Variants in BCL7C observed in about 807,000 individuals in gnomAD.
BCL7C encodes the protein B-cell CLL/lymphoma 7 protein family member C.
In BCL7C, 8 loss-of-function variants were observed where a neutral mutation model predicts 26.2. That is an observed-to-expected ratio of 0.30 (90% CI 0.18 to 0.55). BCL7C has a LOEUF of 0.55. BCL7C is among the 20% of genes least tolerant of loss of function. The pLI, the probability that BCL7C is intolerant of heterozygous loss-of-function variation, is 0.93. For synonymous variants in BCL7C, 90 were observed against 116.5 expected (o/e 0.77, Z 1.47); for missense variants, 262 against 298.5 (o/e 0.88, Z 0.90).
In BCL7C at chr16:30,839,269, T is replaced by C. The variant is rs567208247; in HGVS notation, c.529-4121A>G. 1.6e-4 allele frequency among the ~76,000 whole-genome samples: 25 copies of C among 152,318 alleles called. No individual in the cohort carries two copies. In the South Asian group the frequency reaches 4.6e-3, roughly 28 times the overall value. On this transcript the variant is annotated intron_variant, in intron 5 of 5. Coordinates refer to the BCL7C transcript ENST00000380317. ...ACAGAATGTGTACCACACTTGTCTA[T>C]TGGGCTAGATTAGGACCTAACAAAC...
At chr16:30,838,842 A>C (rs1281019415) in intron 5 of BCL7C, among the ~76,000 whole-genome samples, 1 of 152,072 alleles carries the variant, frequency 6.6e-6, no homozygotes, top group African/African-American at 2.4e-5. Flanking sequence ...CAGTGGCAAA[A>C]TTTTTTTTCT....
rs562688759 is a variant in BCL7C, at chr16:30,871,822, A to T, written c.528+17038T>A. On this transcript the variant is annotated intron_variant, in intron 5 of 5. Transcript: ENST00000380317. Reference sequence around the variant, plus strand: ...TATAGGGTCCAGAATTACTCAGATAATTGCTTGGATTTAGGGTTGAGATTC... The same window carrying T: ...TATAGGGTCCAGAATTACTCAGATATTTGCTTGGATTTAGGGTTGAGATTC... 3.2e-4 allele frequency among the ~76,000 whole-genome samples: 48 copies of T among 152,156 alleles called. 2 individuals are homozygous for T. The South Asian group carries it at 9.6e-3, about 30-fold the overall frequency.
intron 5 of BCL7C, among the ~76,000 whole-genome samples, chr16:30,853,379 G>T (rs1213857071): frequency 6.6e-6 from 1 of 151,640 alleles, no homozygotes; most frequent in African/African-American, 2.4e-5. Context: ...CTTCCACATC[G>T]TGCCCCACTG....
At chr16:30,868,772 C>T (rs932575584) in intron 5 of BCL7C, among the ~76,000 whole-genome samples, 1 of 150,730 alleles carries the variant, frequency 6.6e-6, no homozygotes, top group Non-Finnish European at 1.5e-5. Context: ...GCAACAAGAG[C>T]GAAACTCCAT....
At position 30,863,893 on chromosome 16, in the gene BCL7C, G is replaced by A. The variant is rs1466562008; in HGVS notation, c.528+24967C>T. Among the ~76,000 whole-genome samples the A allele has an allele frequency of 4.6e-5, 7 of 152,208 alleles. No homozygotes were observed. In the East Asian group the frequency reaches 1.4e-3, roughly 29 times the overall value. On this transcript the variant is annotated intron_variant, in intron 5 of 5. Coordinates refer to the BCL7C transcript ENST00000380317. ...GCCACTCTTGACTCCCTCTTGGAGT[G>A]GATAGATGATCTTTGCTGACAGGGC...
rs532875136 is a variant in BCL7C at position 30,888,146 on chromosome 16, A to G, written c.529-156T>C. Among the ~76,000 whole-genome samples the G allele has an allele frequency of 3.3e-5, 5 of 152,332 alleles. No homozygotes were observed. In the South Asian group the frequency reaches 1.0e-3, roughly 32 times the overall value. ...CAGGATGCAGAGGAAGCAGGCACCA[A>G]AAACAACAACGACAGTGACACTGTG... On this transcript the variant is annotated intron_variant, in intron 5 of 5. Coordinates refer to ENST00000215115, the MANE Select transcript of BCL7C (RefSeq NM_004765.4).
downstream of BCL7C, among the ~76,000 whole-genome samples, chr16:30,887,600 C>T (rs1454074439): frequency 1.3e-5 from 2 of 151,600 alleles, no homozygotes; most frequent in African/African-American, 4.8e-5. Flanking sequence ...AGGTGAAGGT[C>T]GGGAGATAGG....
At chr16:30,879,774 G>A (rs962543703) in intron 5 of BCL7C, among the ~76,000 whole-genome samples, 2 of 150,934 alleles carry the variant, frequency 1.3e-5, no homozygotes, top group African/African-American at 4.9e-5. Flanking sequence ...CGGATCACGA[G>A]GTCAGGAGAT....
intron 3 of BCL7C, 46 bp from the exon 4 acceptor site, chr16:30,892,793 A>G: frequency 1.2e-6 from 2 of 1,613,232 alleles, no homozygotes; most frequent in Non-Finnish European, 1.7e-6. Flanking sequence ...TCCCTAGTAC[A>G]CTCCTTCAGT....
intron 4 of BCL7C, among the ~76,000 whole-genome samples, chr16:30,890,811 C>A (rs1027961406): frequency 6.6e-6 from 1 of 151,778 alleles, no homozygotes; most frequent in African/African-American, 2.4e-5. Context: ...CATGGAGAAA[C>A]CTCGTCTCTA....
chr16:30,844,000 C>T (rs1333693719), intron 5 of BCL7C, among the ~76,000 whole-genome samples: 1 of 142,412 alleles, frequency 7.0e-6, no homozygotes, highest in Non-Finnish European at 1.5e-5. Flanking sequence ...TGAGATCGCA[C>T]CATTGCACTC....
intron 4 of BCL7C, among the ~76,000 whole-genome samples, chr16:30,890,841 G>A (rs754631372): frequency 6.6e-6 from 1 of 151,510 alleles, no homozygotes; most frequent in African/African-American, 2.4e-5. Flanking sequence ...CAAAATTAGC[G>A]GGGCATGGTG....
At chr16:30,888,398 G>A (rs1423506172) in intron 5 of BCL7C, among the ~76,000 whole-genome samples, 4 of 152,068 alleles carry the variant, frequency 2.6e-5, no homozygotes, top group African/African-American at 9.7e-5. Flanking sequence ...GTACAGTGGC[G>A]CGATCCTGGC....
rs1596628687 is a variant in BCL7C, at chr16:30,892,325, G to A, written c.442+261C>T. On this transcript the variant is annotated intron_variant, in intron 4 of 5. Transcript: ENST00000215115. ...AGGATCAATATGGGCCCAACATTCA[G>A]GAAACTGACATGAGAGTGAGGAGAA... Among the ~76,000 whole-genome samples, 3 of 142,306 alleles carry A rather than the reference G, an allele frequency of 2.1e-5. No homozygotes were observed. In the South Asian group the frequency reaches 6.6e-4, roughly 31 times the overall value. 93.4% of individuals were successfully genotyped at this position (142,306 alleles called of 152,430 possible).
At chr16:30,859,243 T>C (rs2054749592) in intron 5 of BCL7C, among the ~76,000 whole-genome samples, 1 of 151,528 alleles carries the variant, frequency 6.6e-6, no homozygotes, top group Non-Finnish European at 1.5e-5. Context: ...AGAGAAAGAG[T>C]TCAGCTTAGA....
intron 5 of BCL7C, chr16:30,851,600 C>A: frequency 2.3e-6 from 1 of 443,052 alleles, no homozygotes; most frequent in Non-Finnish European, 4.1e-6. Context: ...TAACTGGGCC[C>A]TTTCTGTTGA....
chr16:30,854,178 T>C (rs1250301175), intron 5 of BCL7C, among the ~76,000 whole-genome samples: 1 of 152,162 alleles, frequency 6.6e-6, no homozygotes, highest in Admixed American at 6.6e-5. Context: ...AGGTGGTGTT[T>C]GGAGGGGAAA....
intron 5 of BCL7C, among the ~76,000 whole-genome samples, chr16:30,858,529 A>G (rs1488486044): frequency 1.3e-5 from 2 of 152,174 alleles, no homozygotes; most frequent in Non-Finnish European, 2.9e-5. Context: ...GGACAGATGG[A>G]ATCTTAATTC....
At chr16:30,852,673 G>C (rs1386944078) in intron 5 of BCL7C, among the ~76,000 whole-genome samples, 2 of 151,758 alleles carry the variant, frequency 1.3e-5, no homozygotes, top group Admixed American at 6.6e-5. Flanking sequence ...TGTATTTTTA[G>C]TAGAGACGGG....
Sources: allele counts gnomAD v4.1 joint callset (sites outside exome capture counted in the v4.1 genomes callset), GRCh38; gene constraint gnomAD v4.1.1; transcripts MANE v1.5; gene names NCBI Gene and HGNC (gene_info 2026-07-23, HGNC 2026-07-21).